The following HELQ variants were observed in gnomAD, a reference collection of about 807,000 sequenced individuals.
The protein encoded by HELQ is helicase POLQ-like.
In HELQ, 77 loss-of-function variants were observed where a neutral mutation model predicts 111.6. The ratio of observed to expected loss-of-function variants is 0.69; its 90% CI spans 0.57 to 0.83. HELQ has a LOEUF of 0.83. Ranked by LOEUF, HELQ falls within the 40% of genes least tolerant of loss-of-function variation. The pLI is 0.00. For missense variants in HELQ, 1,200 were observed against 1,288.5 expected (o/e 0.93, Z 1.05); for synonymous variants, 438 against 454.7 (o/e 0.96, Z 0.47).
At position 83,427,682 on chromosome 4, in the gene HELQ, C is replaced by T. The variant is rs760796266; in HGVS notation, c.2557G>A (p.Asp853Asn). ...DLAYCDILYR[D>N]LKKGLEGLVL... is the part of the protein sequence containing the mutation. Reference sequence around the variant, plus strand: ...AGTCCTTCAAGACCTTTCTTCAAGTCTCTGTACAGAATGTCACAATAAGCT... The same window carrying T: ...AGTCCTTCAAGACCTTTCTTCAAGTTTCTGTACAGAATGTCACAATAAGCT... Residue 853 changes from aspartate (D) to asparagine (N), a missense_variant, in exon 13 of 18, where the codon GAC (aspartate) becomes AAC (asparagine). Transcript: ENST00000295488. 7 of 1,594,482 alleles carry T rather than the reference C, an allele frequency of 4.4e-6. No individual in the cohort carries two copies. The African/African-American group carries it at 8.2e-5, about 19-fold the overall frequency.
In HELQ at chr4:83,454,944, G is replaced by C. The variant is rs529734242; in HGVS notation, c.297+453C>G. 1.2e-4 allele frequency among the ~76,000 whole-genome samples: 18 copies of C among 152,280 alleles called. No individual in the cohort carries two copies. The South Asian group carries it at 3.7e-3, about 32-fold the overall frequency. On this transcript the variant is annotated intron_variant, in intron 1 of 17. Coordinates refer to ENST00000295488, the MANE Select transcript of HELQ (RefSeq NM_133636.5). ...GACTGAGAAACTGAATACTGACTTG[G>C]AGTGGTCTGCTACACAGAAGACACA...
chr4:83,419,166 T>A (rs1739523700), intron 15 of HELQ, among the ~76,000 whole-genome samples: 1 of 151,384 alleles, frequency 6.6e-6, no homozygotes, highest in African/African-American at 2.4e-5. Context: ...ATGAGATTTT[T>A]TTTTTTTTTT....
At position 83,425,053 on chromosome 4, in the gene HELQ, G is replaced by T. The variant is rs547941607; in HGVS notation, c.2775+941C>A. On this transcript the variant is annotated intron_variant, in intron 14 of 17. Coordinates refer to ENST00000295488, the MANE Select transcript of HELQ (RefSeq NM_133636.5). ...CCAATGCTTTGGGAGAACGAGGCGG[G>T]TGGATCACCTGAGGTCAGGAGTTTG... Among the ~76,000 whole-genome samples the T allele has an allele frequency of 2.2e-4, 34 of 152,134 alleles. No homozygotes were observed. The South Asian group carries it at 7.1e-3, about 32-fold the overall frequency.
At chr4:83,414,356 C>A (rs963831453) in intron 17 of HELQ, among the ~76,000 whole-genome samples, 1 of 152,202 alleles carries the variant, frequency 6.6e-6, no homozygotes, top group Admixed American at 6.5e-5. Flanking sequence ...CGGATCCCAT[C>A]CACAGGGGTG....
intron 15 of HELQ, 23 bp from the exon 16 acceptor site, chr4:83,418,229 T>C (rs758546591): frequency 1.5e-6 from 2 of 1,349,544 alleles, no homozygotes; most frequent in East Asian, 2.3e-5. Context: ...AAGAAATATA[T>C]AAAATTTAAA....
intron 15 of HELQ, among the ~76,000 whole-genome samples, chr4:83,419,459 T>C (rs1246715380): frequency 6.7e-6 from 1 of 148,360 alleles, no homozygotes; most frequent in Non-Finnish European, 1.5e-5. Context: ...ATATATCATA[T>C]AATTATATAT....
In HELQ at chr4:83,448,768, T is replaced by TAC. The variant is rs527970977; in HGVS notation, c.1191+13_1191+14dup. 2.0e-3 allele frequency: 3,132 copies of TAC among 1,574,376 alleles called. 7 individuals carry two copies. The highest frequency in any genetic ancestry group is 3.5e-3 in the Middle Eastern group (21 of 5,936). On this transcript the variant is annotated intron_variant, in intron 3 of 17. Transcript: ENST00000295488. ...AGCAAATAACATTTGTTTTAAAACA[T>TAC]ACACACACACACACCTTTTCTTGGA...
At chr4:83,423,585 T>C (rs1259023907) in intron 14 of HELQ, among the ~76,000 whole-genome samples, 3 of 152,164 alleles carry the variant, frequency 2.0e-5, no homozygotes, top group African/African-American at 7.2e-5. Flanking sequence ...ATAATTATTA[T>C]ATGGCAAAAT....
In HELQ at chr4:83,437,065, C is replaced by T. The variant is rs1720497602; in HGVS notation, c.1841G>A (p.Cys614Tyr). 4 of 1,613,318 alleles carry T rather than the reference C, an allele frequency of 2.5e-6. No homozygotes were observed. The highest frequency in any genetic ancestry group is 1.1e-5 in the South Asian group (1 of 91,054). The change falls in exon 9 of 18, where the codon TGT (cysteine) becomes TAT (tyrosine). Residue 614 changes from cysteine (C) to tyrosine (Y), a missense_variant. Physicochemically the swap from Cys to Tyr is radical, Grantham distance 194. Around this residue, in one of 3 missense-constraint regions of HELQ, gnomAD observed 585 missense variants for 665.3 expected, o/e 0.88. Coordinates refer to ENST00000295488, the MANE Select transcript of HELQ (RefSeq NM_133636.5). ...ATTCTTCAAGTTCTTAATCACCTCACATTTTTCTTTCTCCTTATGTTTCAG... is the reference window on the plus strand; with the variant it reads ...ATTCTTCAAGTTCTTAATCACCTCATATTTTTCTTTCTCCTTATGTTTCAG... ...EYLKHKEKEK[C>Y]EVIKNLKNIG...
intron 17 of HELQ, among the ~76,000 whole-genome samples, chr4:83,416,167 C>T (rs372714955): frequency 4.0e-5 from 6 of 151,738 alleles, no homozygotes; most frequent in Admixed American, 1.3e-4. Context: ...AGGCTGGTCT[C>T]GAACTCCTGA....
rs367587434 is a variant in HELQ at position 83,433,388 on chromosome 4, C to T, written c.2049-1121G>A. ...CCACAATATAAGAGTAGACTATTGG[C>T]GGGGCGTGGTGGCTCACGCCTGTAA... On this transcript the variant is annotated intron_variant, in intron 9 of 17. Coordinates refer to ENST00000295488, the MANE Select transcript of HELQ (RefSeq NM_133636.5). Among the ~76,000 whole-genome samples, 17 of 152,226 alleles carry T rather than the reference C, an allele frequency of 1.1e-4. 1 individual carries two copies. Among genetic ancestry groups the T allele is most frequent in the Admixed American group, 9.2e-4 (14 of 15,292 alleles).
chr4:83,432,015 C>G (rs1720179957), intron 10 of HELQ, 111 bp downstream of exon 10: 9 of 608,624 alleles, frequency 1.5e-5, no homozygotes, highest in Non-Finnish European at 2.3e-5. Flanking sequence ...GGAAAGAAAG[C>G]ATCATTTAAA....
Position 83,453,239 on chromosome 4 carries a change from T to G in HELQ, c.1004A>C (p.Lys335Thr), listed in dbSNP as rs558684771. The G allele has an allele frequency of 1.8e-4, 293 of 1,595,868 alleles. No homozygotes were observed. In the South Asian group the frequency reaches 3.1e-3, roughly 17 times the overall value. The change falls in exon 2 of 18, where the codon AAA becomes ACA. Residue 335 changes from lysine to threonine, a missense_variant. Transcript: ENST00000295488. ...CCAGCAAAAAGCATTACCATATAAT[T>G]TTTCAATTCCCTTGAATTGGGCATA... is the stretch of plus-strand genomic sequence containing the variant. Reference protein sequence around the residue: ...DLYAQFKGIEKLYEWQHTCLT... With the variant: ...DLYAQFKGIETLYEWQHTCLT...
At chr4:83,443,917 C>T (rs1246054053) in intron 5 of HELQ, among the ~76,000 whole-genome samples, 5 of 152,044 alleles carry the variant, frequency 3.3e-5, no homozygotes, top group South Asian at 4.2e-4. Context: ...TGGTAGTGCA[C>T]GCCTGTAGTC....
Position 83,421,573 on chromosome 4 carries a change from TGTA to T in HELQ, c.2936_2938del (p.Leu979_His980delinsTyr). 1 of 1,611,330 alleles carries T rather than the reference TGTA, an allele frequency of 6.2e-7. No individual in the cohort carries two copies. The highest frequency in any genetic ancestry group is 8.5e-7 in the Non-Finnish European group (1 of 1,178,568). On this transcript the variant is annotated inframe_deletion, in exon 15 of 18. Coordinates refer to ENST00000295488, the MANE Select transcript of HELQ (RefSeq NM_133636.5). Reference sequence around the variant, plus strand: ...ATTCAATGAAATTACCTCACAGAAATGTAACACACAAGATGAGAATGAGGCAGT... The same window carrying T: ...ATTCAATGAAATTACCTCACAGAAATACACACAAGATGAGAATGAGGCAGT...
chr4:83,455,198 G>C, intron 1 of HELQ, 199 bp downstream of exon 1: 3 of 1,141,952 alleles, frequency 2.6e-6, no homozygotes, highest in Non-Finnish European at 1.2e-6. Context: ...ACTGCTGCGT[G>C]CACAACTTTT....
In HELQ at chr4:83,425,995, T is replaced by C. The variant is rs200782735; in HGVS notation, c.2774A>G (p.Lys925Arg). The C allele has an allele frequency of 1.3e-6, 2 of 1,555,314 alleles. No homozygotes were observed. The change falls in exon 14 of 18, where the codon AAG becomes AGG. Residue 925 changes from lysine (K) to arginine (R), a missense_variant and splice_region_variant. Transcript: ENST00000295488. ...GKKASGQAIG[K>R]KVDKNVVNRL... The stretch of plus-strand genomic sequence containing the variant: ...AGGAAGAAAAAAAGAATGTGGTACC[T>C]TTCCGATGGCTTGGCCTGATGCTTT...
intron 14 of HELQ, among the ~76,000 whole-genome samples, chr4:83,422,674 G>A (rs1002668649): frequency 6.6e-6 from 1 of 152,142 alleles, no homozygotes; most frequent in African/African-American, 2.4e-5. Flanking sequence ...CTTGATTTTG[G>A]ACTTTTGGTC....
rs188530231 is a variant in HELQ at position 83,429,709 on chromosome 4, T to G, written c.2333A>C (p.Asn778Thr). ...TTGCTGAACACCAAAAAATGTACCA[T>G]TCATGAAATGATAGATGTCATCAAG... ...TNLDDIYHFM[N>T]GTFFGVQQKV... The change falls in exon 12 of 18, where the codon AAT becomes ACT. Residue 778 changes from asparagine (N) to threonine (T), a missense_variant. Around this residue, in one of 3 missense-constraint regions of HELQ, gnomAD observed 585 missense variants for 665.3 expected, o/e 0.88. Coordinates refer to ENST00000295488, the MANE Select transcript of HELQ (RefSeq NM_133636.5). 1.1e-5 allele frequency: 18 copies of G among 1,613,184 alleles called. No individual in the cohort carries two copies. The highest frequency in any genetic ancestry group is 1.5e-5 in the Non-Finnish European group (18 of 1,179,444).
Sources: allele counts gnomAD v4.1 joint callset (sites outside exome capture counted in the v4.1 genomes callset), GRCh38; gene constraint gnomAD v4.1.1; regional missense constraint gnomAD v4.1.1; transcripts MANE v1.5; gene names NCBI Gene and HGNC (gene_info 2026-07-23, HGNC 2026-07-21).